Variants in THSD7B observed in about 807,000 individuals in gnomAD.
THSD7B encodes the protein thrombospondin type 1 domain containing 7B, also known as thrombospondin type-1 domain-containing protein 7B.
In THSD7B, 138 loss-of-function variants were observed where a neutral mutation model predicts 213.6. The ratio of observed to expected loss-of-function variants is 0.65; its 90% confidence interval spans 0.56 to 0.74. The LOEUF is 0.74. THSD7B is among the 30% of genes least tolerant of loss of function. The pLI, the probability that THSD7B is intolerant of heterozygous loss-of-function variation, is 0.00. For missense variants in THSD7B, 1,931 were observed against 1,991.5 expected (o/e 0.97, Z 0.58); for synonymous variants, 742 against 687.0 (o/e 1.08, Z -1.25).
intron 3 of THSD7B, among the ~76,000 whole-genome samples, chr2:137,079,321 A>T (rs1420099056): frequency 1.3e-5 from 2 of 152,154 alleles, no homozygotes; most frequent in African/African-American, 4.8e-5. Context: ...TACCAAAAAT[A>T]GTTAAGTTAT....
At chr2:137,127,208 A>G (rs1302659933) in intron 5 of THSD7B, among the ~76,000 whole-genome samples, 1 of 152,188 alleles carries the variant, frequency 6.6e-6, no homozygotes, top group Non-Finnish European at 1.5e-5. Flanking sequence ...TTTGTAAAAA[A>G]TGCAATAGCT....
At chr2:137,258,157 G>A (rs1434197116) in intron 10 of THSD7B, among the ~76,000 whole-genome samples, 1 of 152,184 alleles carries the variant, frequency 6.6e-6, no homozygotes, top group African/African-American at 2.4e-5. Context: ...ATTTGGGGAA[G>A]AGAAATGCTT....
chr2:137,313,109 T>C (rs530782520), intron 12 of THSD7B, among the ~76,000 whole-genome samples: 1 of 152,174 alleles, frequency 6.6e-6, no homozygotes, highest in African/African-American at 2.4e-5. Flanking sequence ...CAGTGGGGTG[T>C]TAAAGTCTCC....
intron 9 of THSD7B, among the ~76,000 whole-genome samples, chr2:137,235,716 T>TA (rs921311596): frequency 2.7e-4 from 41 of 152,344 alleles, no homozygotes; most frequent in African/African-American, 9.6e-4. Flanking sequence ...GCATTTGTTT[T>TA]AAAATGTACA....
At chr2:137,041,952 C>T (rs1159327315) in intron 2 of THSD7B, among the ~76,000 whole-genome samples, 18 of 152,168 alleles carry the variant, frequency 1.2e-4, no homozygotes, top group Admixed American at 9.8e-4. Context: ...GGCCTTTTCA[C>T]GGTCTGTAAA....
chr2:137,579,289 A>G (rs1386078578), intron 17 of THSD7B, among the ~76,000 whole-genome samples: 3 of 151,746 alleles, frequency 2.0e-5, no homozygotes, highest in Non-Finnish European at 4.4e-5. Flanking sequence ...GCAAGAGGAA[A>G]CTCCTTCTGC....
At position 137,465,481 on chromosome 2, in the gene THSD7B, A is replaced by G. The variant is rs138693975; in HGVS notation, c.3138+14458A>G. On this transcript the variant is annotated intron_variant, in intron 15 of 27. Transcript: ENST00000409968. The stretch of plus-strand genomic sequence containing the variant: ...GATCCAACTGTCTATATGTTTATAA[A>G]TCTCCAGGTGATTCTAATGGGCAGA... Among the ~76,000 whole-genome samples the G allele has an allele frequency of 1.5e-3, 235 of 152,170 alleles. 1 individual carries two copies. The highest frequency in any genetic ancestry group is 2.8e-3 in the Non-Finnish European group (188 of 67,974).
rs575438695 is a variant in THSD7B, at chr2:137,064,337, C to T, written c.950+7107C>T. 6.6e-5 allele frequency among the ~76,000 whole-genome samples: 10 copies of T among 152,106 alleles called. No individual in the cohort carries two copies. In the South Asian group the frequency reaches 1.9e-3, roughly 28 times the overall value. ...GAAATGTCTATTAAGACCTTTTGCT[C>T]ATTTTTAAATTGTATTATTATATTT... On this transcript the variant is annotated intron_variant, in intron 3 of 27. Coordinates refer to ENST00000409968, the MANE Select transcript of THSD7B (RefSeq NM_001316349.2).
chr2:136,967,084 C>T (rs1485832443), intron 2 of THSD7B, among the ~76,000 whole-genome samples: 1 of 152,152 alleles, frequency 6.6e-6, no homozygotes, highest in Non-Finnish European at 1.5e-5. Context: ...TTTACTGTGT[C>T]CTCTACCGTG....
intron 20 of THSD7B, among the ~76,000 whole-genome samples, chr2:137,630,623 T>C (rs1171149172): frequency 6.6e-6 from 1 of 152,170 alleles, no homozygotes; most frequent in Admixed American, 6.5e-5. Flanking sequence ...AGCAGGAATG[T>C]ATGGTATAGA....
At chr2:137,008,646 ACTC>A (rs1430314910) in intron 2 of THSD7B, among the ~76,000 whole-genome samples, 3 of 151,880 alleles carry the variant, frequency 2.0e-5, no homozygotes, top group East Asian at 3.9e-4. Flanking sequence ...AAGAGATAAA[ACTC>A]CTATTTTCTA....
intron 21 of THSD7B, among the ~76,000 whole-genome samples, chr2:137,648,541 C>T (rs1683079830): frequency 6.6e-6 from 1 of 152,108 alleles, no homozygotes; most frequent in Non-Finnish European, 1.5e-5. Context: ...TATGTTTCTG[C>T]AAATGACAGG....
In THSD7B at chr2:137,052,251, GAT is replaced by G. The variant is rs1397129687; in HGVS notation, c.140-4164_140-4163del. 2.0e-5 allele frequency among the ~76,000 whole-genome samples: 3 copies of G among 152,230 alleles called. No individual in the cohort carries two copies. In the East Asian group the frequency reaches 5.8e-4, roughly 29 times the overall value. Reference sequence around the variant, plus strand: ...CTCACAAAAAGGGTAGCAAGTTGCAGATATATGACTCTTTACATAATGTTTGC... The same window carrying G: ...CTCACAAAAAGGGTAGCAAGTTGCAGATATGACTCTTTACATAATGTTTGC... On this transcript the variant is annotated intron_variant, in intron 2 of 27. Coordinates refer to ENST00000409968, the MANE Select transcript of THSD7B (RefSeq NM_001316349.2).
chr2:137,522,948 A>AT (rs1179043351), intron 15 of THSD7B, among the ~76,000 whole-genome samples: 4 of 152,198 alleles, frequency 2.6e-5, no homozygotes, highest in African/African-American at 9.7e-5. Context: ...AATATCTCTA[A>AT]TGGATGGTGG....
rs138059583 is a variant in THSD7B at position 137,537,213 on chromosome 2, A to G, written c.3139-26008A>G. On this transcript the variant is annotated intron_variant, in intron 15 of 27. Coordinates refer to ENST00000409968, the MANE Select transcript of THSD7B (RefSeq NM_001316349.2). ...TCTATAGATATAATACTAATGTGCA[A>G]TAAAATTATCATGTGAACATTGTTC... 4.8e-3 allele frequency among the ~76,000 whole-genome samples: 726 copies of G among 151,934 alleles called. 4 individuals carry two copies. The highest frequency in any genetic ancestry group is 0.017 in the African/African-American group (693 of 41,520).
intron 20 of THSD7B, among the ~76,000 whole-genome samples, chr2:137,624,101 A>C (rs1357637472): frequency 6.6e-6 from 1 of 152,232 alleles, no homozygotes; most frequent in Non-Finnish European, 1.5e-5. Flanking sequence ...CAGTAACCAA[A>C]ACAGCATGGT....
At chr2:136,916,777 C>T (rs764069496) in intron 2 of THSD7B, among the ~76,000 whole-genome samples, 1 of 152,178 alleles carries the variant, frequency 6.6e-6, no homozygotes, top group Non-Finnish European at 1.5e-5. Flanking sequence ...CCTGTCTTTA[C>T]CTCCACACTC....
intron 9 of THSD7B, among the ~76,000 whole-genome samples, chr2:137,237,011 T>C (rs1681779071): frequency 6.7e-6 from 1 of 150,258 alleles, no homozygotes. Context: ...CTCGGGAGGC[T>C]GAGGCAGGAG....
chr2:136,854,699 G>A (rs1683152216), intron 1 of THSD7B, among the ~76,000 whole-genome samples: 1 of 151,356 alleles, frequency 6.6e-6, no homozygotes, highest in Non-Finnish European at 1.5e-5. Flanking sequence ...CACTTTCAAT[G>A]AGAAGTAGTT....
Sources: allele counts gnomAD v4.1 joint callset (sites outside exome capture counted in the v4.1 genomes callset), GRCh38; gene constraint gnomAD v4.1.1; transcripts MANE v1.5; gene names NCBI Gene and HGNC (gene_info 2026-07-23, HGNC 2026-07-21).